UVRAG: variants seen among roughly 807,000 people sequenced by gnomAD.
The protein encoded by UVRAG is UV radiation resistance-associated gene protein.
A neutral mutation model predicts 78.0 loss-of-function variants in UVRAG; 19 were observed. That is an observed-to-expected ratio of 0.24 (90% CI 0.17 to 0.36). The LOEUF is 0.36. UVRAG is among the 10% of genes least tolerant of loss of function. UVRAG has a pLI of 1.00. For missense variants in UVRAG, 740 were observed against 853.8 expected (o/e 0.87, Z 1.66); for synonymous variants, 323 against 324.6 (o/e 1.00, Z 0.05).
chr11:76,057,929 A>G (rs998650680), intron 12 of UVRAG, among the ~76,000 whole-genome samples: 1 of 151,888 alleles, frequency 6.6e-6, no homozygotes, highest in Non-Finnish European at 1.5e-5. Context: ...TGTTGTTGTT[A>G]TTGTCGCCCT....
chr11:75,932,109 AG>A (rs1277357344), intron 6 of UVRAG, among the ~76,000 whole-genome samples: 4 of 152,102 alleles, frequency 2.6e-5, no homozygotes, highest in Non-Finnish European at 4.4e-5. Context: ...AATGACATTT[AG>A]TATGGTGCTT....
chr11:76,055,215 T>A (rs1950957675), intron 12 of UVRAG, among the ~76,000 whole-genome samples: 1 of 152,022 alleles, frequency 6.6e-6, no homozygotes, highest in Non-Finnish European at 1.5e-5. Flanking sequence ...GCCTGGCTAA[T>A]TTTTGTATTT....
intron 7 of UVRAG, among the ~76,000 whole-genome samples, chr11:75,966,194 G>C (rs1251583751): frequency 6.6e-6 from 1 of 151,878 alleles, no homozygotes; most frequent in Non-Finnish European, 1.5e-5. Context: ...TGCATTTCTG[G>C]AATAAACCTA....
At chr11:75,915,506 G>T (rs1451351172) in intron 6 of UVRAG, among the ~76,000 whole-genome samples, 1 of 152,168 alleles carries the variant, frequency 6.6e-6, no homozygotes, top group Admixed American at 6.5e-5. Flanking sequence ...TTAATAGCCA[G>T]TTTACTTGTT....
rs1423712077 is a variant in UVRAG, at chr11:76,060,954, A to G, written c.1227-4756A>G. ...CCCAAGGGCTGAGGAGTGCGGGCGC[A>G]TGGCGCGGGACTGGCAGGCAGCTCC... On this transcript the variant is annotated intron_variant, in intron 12 of 14. Coordinates refer to ENST00000356136, the MANE Select transcript of UVRAG (RefSeq NM_003369.4). Among the ~76,000 whole-genome samples, 3 of 152,338 alleles carry G rather than the reference A, an allele frequency of 2.0e-5. No individual in the cohort carries two copies. In the East Asian group the frequency reaches 5.8e-4, roughly 29 times the overall value.
At chr11:75,926,659 T>G (rs1948111805) in intron 6 of UVRAG, among the ~76,000 whole-genome samples, 2 of 152,182 alleles carry the variant, frequency 1.3e-5, no homozygotes, top group African/African-American at 4.8e-5. Context: ...TTGTGTTCAT[T>G]AGATCATATT....
chr11:75,889,490 C>T (rs749882317), intron 5 of UVRAG, among the ~76,000 whole-genome samples: 8 of 152,166 alleles, frequency 5.3e-5, no homozygotes, highest in African/African-American at 1.4e-4. Flanking sequence ...AGATGAGCTT[C>T]GTAGGTTCAC....
chr11:76,140,088 TCC>T (rs1565177299), intron 14 of UVRAG, among the ~76,000 whole-genome samples: 354 of 6,686 alleles, frequency 0.053, 47 homozygotes, highest in African/African-American at 0.24. Flanking sequence ...CCTCCCCCTC[TCC>T]CCCTCCCTCC....
intron 6 of UVRAG, among the ~76,000 whole-genome samples, chr11:75,944,663 A>G (rs1431669478): frequency 6.6e-6 from 1 of 152,200 alleles, no homozygotes; most frequent in Non-Finnish European, 1.5e-5. Flanking sequence ...GAACAAAGAT[A>G]TAGAAAATTG....
At chr11:75,851,825 G>C (rs1946158121) in intron 1 of UVRAG, 58 bp from the exon 2 acceptor site, 1 of 1,414,882 alleles carries the variant, frequency 7.1e-7, no homozygotes, top group Non-Finnish European at 9.8e-7. Flanking sequence ...GCAACTTCCA[G>C]AAAATTTTAT....
chr11:76,105,965 C>T (rs1442848438), intron 13 of UVRAG, among the ~76,000 whole-genome samples: 1 of 152,118 alleles, frequency 6.6e-6, no homozygotes, highest in Non-Finnish European at 1.5e-5. Flanking sequence ...ATATATCTGC[C>T]ATTCAACCCA....
At chr11:75,856,767 C>T (rs1158687626) in intron 2 of UVRAG, among the ~76,000 whole-genome samples, 1 of 152,152 alleles carries the variant, frequency 6.6e-6, no homozygotes, top group Non-Finnish European at 1.5e-5. Flanking sequence ...TTTTAAATGT[C>T]ACCTGTTGAC....
At chr11:75,866,073 A>G (rs1946530251) in intron 3 of UVRAG, among the ~76,000 whole-genome samples, 1 of 152,052 alleles carries the variant, frequency 6.6e-6, no homozygotes, top group Non-Finnish European at 1.5e-5. Flanking sequence ...CCTGGGCAAC[A>G]TGGCAAAACC....
chr11:75,913,093 A>T (rs530465286), intron 6 of UVRAG, among the ~76,000 whole-genome samples: 86 of 152,292 alleles, frequency 5.6e-4, no homozygotes, highest in African/African-American at 1.9e-3. Context: ...GAGACACACA[A>T]AGTTTTAAGT....
rs544257246 is a variant in UVRAG at position 76,002,659 on chromosome 11, G to A, written c.827-1346G>A. On this transcript the variant is annotated intron_variant, in intron 8 of 14. Transcript: ENST00000356136. ...TAAAAAATCACTAAGGTGAAGATTTGGGAAGGAGTTATATTGTGGGCTAAA... is the reference window on the plus strand; with the variant it reads ...TAAAAAATCACTAAGGTGAAGATTTAGGAAGGAGTTATATTGTGGGCTAAA... 6.6e-5 allele frequency among the ~76,000 whole-genome samples: 10 copies of A among 152,274 alleles called. No homozygotes were observed. The South Asian group carries it at 1.9e-3, about 28-fold the overall frequency.
At chr11:75,943,287 A>G (rs1323712082) in intron 6 of UVRAG, among the ~76,000 whole-genome samples, 1 of 149,578 alleles carries the variant, frequency 6.7e-6, no homozygotes, top group Non-Finnish European at 1.5e-5. Context: ...TTGATAGAAA[A>G]TCATTCACTT....
At chr11:75,906,389 C>G (rs915248703) in intron 5 of UVRAG, among the ~76,000 whole-genome samples, 1 of 151,978 alleles carries the variant, frequency 6.6e-6, no homozygotes. Flanking sequence ...CTCTGTTGCC[C>G]AGGCTGGAGT....
At chr11:75,853,066 A>T (rs1290273009) in intron 2 of UVRAG, among the ~76,000 whole-genome samples, 2 of 151,826 alleles carry the variant, frequency 1.3e-5, no homozygotes, top group Admixed American at 1.3e-4. Context: ...GTGAGACGCC[A>T]CTCCAGGCTA....
chr11:75,868,907 G>A (rs979528184), intron 3 of UVRAG, among the ~76,000 whole-genome samples: 1 of 152,146 alleles, frequency 6.6e-6, no homozygotes, highest in Admixed American at 6.5e-5. Flanking sequence ...TAGCTAATTT[G>A]TGTGTGTTTT....
Sources: allele counts gnomAD v4.1 joint callset (sites outside exome capture counted in the v4.1 genomes callset), GRCh38; gene constraint gnomAD v4.1.1; transcripts MANE v1.5; gene names NCBI Gene and HGNC (gene_info 2026-07-23, HGNC 2026-07-21).